The following GRPEL2 variants were observed in gnomAD, a reference collection of about 807,000 sequenced individuals.
GRPEL2 encodes GrpE like 2, mitochondrial.
Under a neutral mutation model 25.9 loss-of-function variants are expected in GRPEL2, and 18 were observed. The ratio of observed to expected loss-of-function variants is 0.70; its 90% CI spans 0.48 to 1.03. The LOEUF (loss-of-function observed/expected upper bound fraction) is 1.03. GRPEL2 is among the 50% of genes least tolerant of loss of function. The pLI, the probability that GRPEL2 is intolerant of heterozygous loss-of-function variation, is 0.00. For missense variants in GRPEL2, 247 were observed against 276.2 expected (o/e 0.89, Z 0.75); for synonymous variants, 106 against 107.9 (o/e 0.98, Z 0.11).
At chr5:149,345,726 G>A (rs1429862151) in intron 1 of GRPEL2, 110 bp downstream of exon 1, 2 of 885,732 alleles carry the variant, frequency 2.3e-6, no homozygotes, top group African/African-American at 1.7e-5. Flanking sequence ...TAGGCCAGGG[G>A]ACCAAGCTTC....
At chr5:149,345,761 C>T in intron 1 of GRPEL2, 145 bp downstream of exon 1, 3 of 659,634 alleles carry the variant, frequency 4.5e-6, no homozygotes, top group Non-Finnish European at 7.9e-6. Flanking sequence ...CGTGCACTCA[C>T]GGCCCCATTT....
intron 3 of GRPEL2, 46 bp downstream of exon 3, chr5:149,349,781 G>A (rs1757747935): frequency 2.9e-6 from 4 of 1,376,836 alleles, no homozygotes; most frequent in Non-Finnish European, 2.1e-6. Flanking sequence ...TGGGCACAGT[G>A]GCTTATGCCT....
chr5:149,350,277 A>G (rs574324508), intron 3 of GRPEL2, among the ~76,000 whole-genome samples: 1 of 152,250 alleles, frequency 6.6e-6, no homozygotes, highest in Non-Finnish European at 1.5e-5. Context: ...ATTTCTCAAC[A>G]ACTGAATTTA....
chr5:149,346,447 C>G (rs907713912), intron 1 of GRPEL2, among the ~76,000 whole-genome samples: 9 of 152,126 alleles, frequency 5.9e-5, no homozygotes, highest in Non-Finnish European at 1.2e-4. Context: ...CCCTTTTTAC[C>G]TTAACACACC....
At chr5:149,346,715 A>ATTTTTTTTTTTTTTTTTTT (rs34300270) in intron 1 of GRPEL2, among the ~76,000 whole-genome samples, 4 of 59,262 alleles carry the variant, frequency 6.7e-5, no homozygotes, top group African/African-American at 2.5e-4. Context: ...GGCCCTGAGA[A>ATTTTTTTTTTTTTTTTTTT]TTTTTTTTTT....
chr5:149,349,648 A>G lies in GRPEL2; in HGVS notation c.232-6A>G. 6.3e-7 allele frequency: 1 copy of G among 1,586,380 alleles called. No individual in the cohort carries two copies. Among genetic ancestry groups the G allele is most frequent in the Non-Finnish European group, 8.6e-7 (1 of 1,166,146 alleles). On this transcript the variant is annotated splice_polypyrimidine_tract_variant and splice_region_variant and intron_variant, in intron 2 of 3. Transcript: ENST00000329271. ...TCATCCTTTTGATTTTGCTTTTGAT[A>G]TTCAGGTGAGATACCAGAGAGCTAT...
chr5:149,347,883 C>G (rs1244658093), intron 1 of GRPEL2, among the ~76,000 whole-genome samples: 1 of 152,196 alleles, frequency 6.6e-6, no homozygotes, highest in Non-Finnish European at 1.5e-5. Context: ...GTTCTGGGTA[C>G]TAGCATTTGG....
intron 2 of GRPEL2, 32 bp downstream of exon 2, chr5:149,348,457 C>A: frequency 1.3e-6 from 2 of 1,533,060 alleles, no homozygotes; most frequent in Non-Finnish European, 8.8e-7. Flanking sequence ...TCTTCATATC[C>A]TCTCTCTAGT....
At position 149,349,703 on chromosome 5, in the gene GRPEL2, C is replaced by G. The variant is rs1372169763; in HGVS notation, c.281C>G (p.Thr94Ser). Reference sequence around the variant, plus strand: ...GATTGTGAAAACATAAGGAGGCGAACCCAGAGATGTGTGGAAGACGCCAAG... The same window carrying G: ...GATTGTGAAAACATAAGGAGGCGAAGCCAGAGATGTGTGGAAGACGCCAAG... ...IADCENIRRR[T>S]QRCVEDAKIF... The change falls in exon 3 of 4, where the codon ACC becomes AGC. Residue 94 changes from threonine (T) to serine (S), a missense_variant. By Grantham distance (58) the Thr-to-Ser change is moderately conservative. Around this residue, in one of 2 missense-constraint regions of GRPEL2, gnomAD observed 122 missense variants for 169.2 expected, o/e 0.72. Coordinates refer to ENST00000329271, the MANE Select transcript of GRPEL2 (RefSeq NM_152407.4). The G allele has an allele frequency of 6.2e-7, 1 of 1,613,362 alleles. No individual in the cohort carries two copies. The highest frequency in any genetic ancestry group is 2.2e-5 in the East Asian group (1 of 44,874).
At position 149,354,270 on chromosome 5, in the gene GRPEL2, G is replaced by A. The variant is rs1757822083; in HGVS notation, c.*2988G>A. On this transcript the variant is annotated 3_prime_UTR_variant, in exon 4 of 4. Transcript: ENST00000329271. ...CTTAATGGTATAGTGAAAAGACATTGACTTGAGATGATACTAAGGAAGCTT... is the reference window on the plus strand; with the variant it reads ...CTTAATGGTATAGTGAAAAGACATTAACTTGAGATGATACTAAGGAAGCTT... 6.6e-6 allele frequency: 1 copy of A among 152,170 alleles called. No homozygotes were observed. The highest frequency in any genetic ancestry group is 1.5e-5 in the Non-Finnish European group (1 of 68,030). 9.4% of individuals were successfully genotyped at this position (152,170 alleles called of 1,614,324 possible).
In GRPEL2 at chr5:149,351,259, G is replaced by C. The variant is rs751426006; in HGVS notation, c.655G>C (p.Val219Leu). The C allele has an allele frequency of 1.9e-6, 3 of 1,610,038 alleles. No individual in the cohort carries two copies. The highest frequency in any genetic ancestry group is 2.5e-6 in the Non-Finnish European group (3 of 1,176,716). Residue 219 changes from valine to leucine, a missense_variant, in exon 4 of 4, where the codon GTG becomes CTG. Around this residue, in one of 2 missense-constraint regions of GRPEL2, gnomAD observed 122 missense variants for 169.2 expected, o/e 0.72. Coordinates refer to ENST00000329271, the MANE Select transcript of GRPEL2 (RefSeq NM_152407.4). ...TAGGCTTGCCCGAGTGGAAGTGGCA[G>C]TGGAGTCTCAGAGAAGACTGTGAAG... ...TIRLARVEVA[V>L]ESQRRL
rs374175991 is a variant in GRPEL2 at position 149,349,675 on chromosome 5, G to T, written c.253G>T (p.Ala85Ser). 32 of 1,613,040 alleles carry T rather than the reference G, an allele frequency of 2.0e-5. No individual in the cohort carries two copies. Among genetic ancestry groups the T allele is most frequent in the African/African-American group, 2.7e-5 (2 of 74,902 alleles). Residue 85 changes from alanine to serine, a missense_variant, in exon 3 of 4, where the codon GCT becomes TCT. This residue lies in a region of GRPEL2 where 125 missense variants were observed against 107.0 expected (regional missense o/e 1.17). Transcript: ENST00000329271. ...TCAGGTGAGATACCAGAGAGCTATA[G>T]CTGATTGTGAAAACATAAGGAGGCG... The part of the protein sequence containing the change: ...DLTVRYQRAI[A>S]DCENIRRRTQ...
intron 1 of GRPEL2, among the ~76,000 whole-genome samples, chr5:149,347,862 A>G (rs752638137): frequency 1.3e-5 from 2 of 152,144 alleles, no homozygotes; most frequent in Non-Finnish European, 2.9e-5. Flanking sequence ...ACTTCTGACA[A>G]TGCTCCTCTG....
chr5:149,349,676 C>G lies in GRPEL2; in HGVS notation c.254C>G (p.Ala85Gly), dbSNP rs765666161. 2 of 1,612,840 alleles carry G rather than the reference C, an allele frequency of 1.2e-6. No individual in the cohort carries two copies. Among genetic ancestry groups the G allele is most frequent in the South Asian group, 2.2e-5 (2 of 90,996 alleles). Residue 85 changes from alanine (A) to glycine (G), a missense_variant, in exon 3 of 4, where the codon GCT becomes GGT. Around this residue, in one of 2 missense-constraint regions of GRPEL2, gnomAD observed 125 missense variants for 107.0 expected, o/e 1.17. Transcript: ENST00000329271. ...CAGGTGAGATACCAGAGAGCTATAG[C>G]TGATTGTGAAAACATAAGGAGGCGA... ...DLTVRYQRAI[A>G]DCENIRRRTQ... is the part of the protein sequence containing the mutation.
chr5:149,346,700 G>T (rs1441381598), intron 1 of GRPEL2, among the ~76,000 whole-genome samples: 3 of 118,066 alleles, frequency 2.5e-5, no homozygotes, highest in Admixed American at 9.2e-5. Flanking sequence ...TTTTCCCTTT[G>T]AACTGGCCCT....
intron 1 of GRPEL2, among the ~76,000 whole-genome samples, chr5:149,346,971 C>A (rs184798980): frequency 0.016 from 2,363 of 152,068 alleles, 33 homozygotes; most frequent in African/African-American, 0.038. Context: ...GTGATCCGCA[C>A]GCCTCGGCCT....
rs1757774098 is a variant in GRPEL2 at position 149,351,421 on chromosome 5, ATATTC to A, written c.*144_*148del. ...TAGTCATATTGGCTTTATTTCTAAGATATTCTATTGATTTAATGTGACCTGTTTGG... is the reference window on the plus strand; with the variant it reads ...TAGTCATATTGGCTTTATTTCTAAGATATTGATTTAATGTGACCTGTTTGG... On this transcript the variant is annotated 3_prime_UTR_variant, in exon 4 of 4. Transcript: ENST00000329271. The A allele has an allele frequency of 1.1e-6, 1 of 918,880 alleles. No homozygotes were observed. Among genetic ancestry groups the A allele is most frequent in the African/African-American group, 1.7e-5 (1 of 60,226 alleles). The allele number at this position is 918,880 out of a possible 1,614,324, so 56.9% of individuals were successfully genotyped here.
chr5:149,346,149 A>C (rs570216816), intron 1 of GRPEL2, among the ~76,000 whole-genome samples: 2 of 152,334 alleles, frequency 1.3e-5, no homozygotes, highest in African/African-American at 4.8e-5. Context: ...TCTTTTTATT[A>C]TTACCCATTT....
chr5:149,353,952 A>G lies in GRPEL2; in HGVS notation c.*2670A>G, dbSNP rs951372296. 1 of 152,232 alleles carries G rather than the reference A, an allele frequency of 6.6e-6. No individual in the cohort carries two copies. The highest frequency in any genetic ancestry group is 2.4e-5 in the African/African-American group (1 of 41,472). The allele number at this position is 152,232 out of a possible 1,614,324, so 9.4% of individuals were successfully genotyped here. ...AAAATGATTATAATAATTCTTTCAC[A>G]GCGTTGTGAGGATTAAGTGAAATGT... On this transcript the variant is annotated 3_prime_UTR_variant, in exon 4 of 4. Transcript: ENST00000329271.
Sources: allele counts gnomAD v4.1 joint callset (sites outside exome capture counted in the v4.1 genomes callset), GRCh38; gene constraint gnomAD v4.1.1; regional missense constraint gnomAD v4.1.1; transcripts MANE v1.5; gene names NCBI Gene and HGNC (gene_info 2026-07-23, HGNC 2026-07-21).